PTPRD: variants seen among roughly 807,000 people sequenced by gnomAD.
PTPRD encodes the protein protein tyrosine phosphatase receptor type D.
PTPRD carries 34 observed loss-of-function variants against 214.5 expected under a neutral mutation model. That is an observed-to-expected ratio of 0.16 (90% CI 0.12 to 0.21). PTPRD has a LOEUF of 0.21. PTPRD is among the 10% of genes least tolerant of loss of function. PTPRD has a pLI of 1.00. For synonymous variants in PTPRD, 1,128 were observed against 845.7 expected (o/e 1.33, Z -5.79); for missense variants, 2,545 against 2,398.7 (o/e 1.06, Z -1.27).
At chr9:10,018,448 G>C (rs945259161) in intron 4 of PTPRD, among the ~76,000 whole-genome samples, 1 of 146,730 alleles carries the variant, frequency 6.8e-6, no homozygotes, top group African/African-American at 2.5e-5. Flanking sequence ...ACAAATAGCA[G>C]ATAAAATTTT....
chr9:9,559,319 C>T (rs2082310789), intron 8 of PTPRD, among the ~76,000 whole-genome samples: 1 of 152,336 alleles, frequency 6.6e-6, no homozygotes, highest in African/African-American at 2.4e-5. Context: ...CCCATGAACA[C>T]ACCCATCCCG....
chr9:9,578,427 G>T (rs368209122), intron 7 of PTPRD, among the ~76,000 whole-genome samples: 2 of 152,016 alleles, frequency 1.3e-5, no homozygotes, highest in East Asian at 1.9e-4. Flanking sequence ...TCATTAAAAA[G>T]AATTAGAGTG....
chr9:8,613,578 C>T (rs149108610), intron 14 of PTPRD, among the ~76,000 whole-genome samples: 1 of 152,216 alleles, frequency 6.6e-6, no homozygotes, highest in Non-Finnish European at 1.5e-5. Flanking sequence ...GAATCTCCTG[C>T]CTCTCTAGCA....
At chr9:8,387,592 G>C (rs1000049391) in intron 37 of PTPRD, among the ~76,000 whole-genome samples, 4 of 152,180 alleles carry the variant, frequency 2.6e-5, no homozygotes, top group Admixed American at 2.6e-4. Flanking sequence ...TAGTTCAGCT[G>C]TCTCAGTTTC....
At chr9:10,313,219 TA>T (rs1219654232) in intron 3 of PTPRD, among the ~76,000 whole-genome samples, 6 of 151,934 alleles carry the variant, frequency 3.9e-5, no homozygotes, top group Non-Finnish European at 5.9e-5. Flanking sequence ...ACCATCCCGA[TA>T]ATTCCTGATA....
At chr9:10,009,521 A>C (rs1433096262) in intron 4 of PTPRD, among the ~76,000 whole-genome samples, 1 of 151,916 alleles carries the variant, frequency 6.6e-6, no homozygotes, top group Non-Finnish European at 1.5e-5. Flanking sequence ...AATAGAAAGG[A>C]GTGTCTGGTT....
chr9:8,641,207 T>A (rs35286414), intron 12 of PTPRD, among the ~76,000 whole-genome samples: 13,846 of 148,368 alleles, frequency 0.093, 1,163 homozygotes, highest in East Asian at 0.18. Context: ...AACAAGGGTA[T>A]CTACTAAAAA....
intron 7 of PTPRD, among the ~76,000 whole-genome samples, chr9:9,645,037 T>C (rs2096105143): frequency 6.6e-6 from 1 of 152,218 alleles, no homozygotes; most frequent in Non-Finnish European, 1.5e-5. Context: ...TGGTTAACAC[T>C]TAGCCATCTG....
In PTPRD at chr9:8,319,955, C is replaced by G. The variant is rs757572692; in HGVS notation, c.5546G>C (p.Gly1849Ala). 1 of 1,611,608 alleles carries G rather than the reference C, an allele frequency of 6.2e-7. No homozygotes were observed. Among genetic ancestry groups the G allele is most frequent in the African/African-American group, 1.3e-5 (1 of 74,834 alleles). ...TAGCGTTATGAAGACTCCAGTTCTT[C>G]CAACGCCCGCGCTGCCACAATAACA... ...PISVHCSAGV[G>A]RTGVFITLSI... The change falls in exon 45 of 46, where the codon GGA (glycine) becomes GCA (alanine). Residue 1849 changes from glycine to alanine, a missense_variant. Gly to Ala is a moderately conservative substitution (Grantham distance 60). Transcript: ENST00000381196.
intron 3 of PTPRD, among the ~76,000 whole-genome samples, chr9:10,191,250 A>C (rs899789017): frequency 4.6e-5 from 7 of 152,056 alleles, no homozygotes; most frequent in African/African-American, 1.7e-4. Flanking sequence ...CCTCTGAGAA[A>C]TATATTAATA....
rs1387091500 is a variant in PTPRD at position 8,948,502 on chromosome 9, T to A, written c.-104+70195A>T. Among the ~76,000 whole-genome samples, 3 of 50,334 alleles carry A rather than the reference T, an allele frequency of 6.0e-5. 1 individual carries two copies. Among genetic ancestry groups the A allele is most frequent in the Non-Finnish European group, 1.0e-4 (3 of 28,602 alleles). The allele number at this position is 50,334 out of a possible 152,430, so 33.0% of individuals were successfully genotyped here. On this transcript the variant is annotated intron_variant, in intron 11 of 45. Coordinates refer to ENST00000381196, the MANE Select transcript of PTPRD (RefSeq NM_002839.4). The stretch of plus-strand genomic sequence containing the variant: ...ATATTTATATATATATTTATATATA[T>A]ATTTATATATATATATTTATATATA...
chr9:10,521,954 A>C (rs1249722818), intron 2 of PTPRD, among the ~76,000 whole-genome samples: 1 of 152,024 alleles, frequency 6.6e-6, no homozygotes, highest in Non-Finnish European at 1.5e-5. Context: ...TAGAACCTGC[A>C]CTCTCTCTGA....
At chr9:9,365,769 T>A (rs1015006001) in intron 9 of PTPRD, among the ~76,000 whole-genome samples, 1 of 151,476 alleles carries the variant, frequency 6.6e-6, no homozygotes, top group East Asian at 1.9e-4. Flanking sequence ...AGTCTCTCTA[T>A]GGGTCTCTCA....
At chr9:8,558,705 T>C (rs1260263240) in intron 14 of PTPRD, among the ~76,000 whole-genome samples, 1 of 152,206 alleles carries the variant, frequency 6.6e-6, no homozygotes, top group Non-Finnish European at 1.5e-5. Context: ...AGGTCAGTTG[T>C]CATCACTATC....
chr9:9,158,648 A>T (rs2099883486), intron 10 of PTPRD, among the ~76,000 whole-genome samples: 1 of 152,016 alleles, frequency 6.6e-6, no homozygotes, highest in South Asian at 2.1e-4. Flanking sequence ...AACTAATTAC[A>T]TTTCTTCTCA....
chr9:10,069,676 TA>T (rs2097957656), intron 3 of PTPRD, among the ~76,000 whole-genome samples: 1 of 151,972 alleles, frequency 6.6e-6, no homozygotes, highest in African/African-American at 2.4e-5. Context: ...ATTTCAATTT[TA>T]AAATTAAAAA....
intron 4 of PTPRD, among the ~76,000 whole-genome samples, chr9:9,978,116 G>T (rs1490401381): frequency 6.6e-6 from 1 of 151,652 alleles, no homozygotes; most frequent in East Asian, 1.9e-4. Context: ...ACACACACAC[G>T]TGGGAGAAAG....
intron 10 of PTPRD, among the ~76,000 whole-genome samples, chr9:9,048,855 T>C (rs1302721064): frequency 2.0e-5 from 3 of 152,184 alleles, no homozygotes; most frequent in Admixed American, 6.5e-5. Context: ...CTTGAGGGTA[T>C]AGATACCCCA....
chr9:8,909,390 A>T (rs1288235943), intron 11 of PTPRD, among the ~76,000 whole-genome samples: 1 of 152,180 alleles, frequency 6.6e-6, no homozygotes, highest in African/African-American at 2.4e-5. Flanking sequence ...ATCTACCCAC[A>T]TAAAAATGAA....
Sources: allele counts gnomAD v4.1 joint callset (sites outside exome capture counted in the v4.1 genomes callset), GRCh38; gene constraint gnomAD v4.1.1; transcripts MANE v1.5; gene names NCBI Gene and HGNC (gene_info 2026-07-23, HGNC 2026-07-21).